Variants in SCHIP1 observed in about 807,000 individuals in gnomAD.
SCHIP1 encodes the protein schwannomin-interacting protein 1.
Under a neutral mutation model 29.7 loss-of-function variants are expected in SCHIP1, and 8 were observed. The ratio of observed to expected loss-of-function variants is 0.27; its 90% CI spans 0.16 to 0.49. SCHIP1 has a LOEUF of 0.49. Ranked by LOEUF, SCHIP1 falls within the 20% of genes least tolerant of loss-of-function variation. The pLI, the probability that SCHIP1 is intolerant of heterozygous loss-of-function variation, is 0.99. For synonymous variants in SCHIP1, 76 were observed against 94.9 expected, an observed-to-expected ratio of 0.80 and a Z score of 1.16; for missense variants, 193 against 294.6, an observed-to-expected ratio of 0.66 and a Z score of 2.52.
At chr3:159,429,118 G>T in the SCHIP1 span, among the ~76,000 whole-genome samples, 1 of 151,136 alleles carries the variant, frequency 6.6e-6, no homozygotes, top group Non-Finnish European at 1.5e-5. Context: ...AGTGGGTGGA[G>T]CCACTAGCAT....
the SCHIP1 span, among the ~76,000 whole-genome samples, chr3:159,432,102 A>G: frequency 6.6e-6 from 1 of 152,126 alleles, no homozygotes; most frequent in African/African-American, 2.4e-5. Context: ...ATGAGGCTAC[A>G]GTTAAGACGT....
chr3:159,311,245 C>A, the SCHIP1 span, among the ~76,000 whole-genome samples: 1 of 152,036 alleles, frequency 6.6e-6, no homozygotes, highest in Non-Finnish European at 1.5e-5. Flanking sequence ...AAAGCTATCT[C>A]TAAGGAGTGT....
the SCHIP1 span, among the ~76,000 whole-genome samples, chr3:159,532,224 T>C: frequency 6.6e-6 from 1 of 152,194 alleles, no homozygotes; most frequent in Non-Finnish European, 1.5e-5. Flanking sequence ...ATCTTTTAGC[T>C]GTTGAGTATT....
the SCHIP1 span, among the ~76,000 whole-genome samples, chr3:159,644,495 C>G: frequency 6.6e-6 from 1 of 152,034 alleles, no homozygotes; most frequent in Non-Finnish European, 1.5e-5. Flanking sequence ...CACATTTCTT[C>G]TTGATCCTTT....
At chr3:159,596,868 AAC>A in the SCHIP1 span, among the ~76,000 whole-genome samples, 1 of 151,516 alleles carries the variant, frequency 6.6e-6, no homozygotes, top group Admixed American at 6.6e-5. Flanking sequence ...TAACAGGTGC[AAC>A]ACACCAACAT....
chr3:159,493,450 T>C, the SCHIP1 span, among the ~76,000 whole-genome samples: 1 of 152,080 alleles, frequency 6.6e-6, no homozygotes, highest in African/African-American at 2.4e-5. Flanking sequence ...GGGGTTGCAA[T>C]CCTAGTCTTG....
At chr3:159,582,781 T>TACACACACACAC in the SCHIP1 span, among the ~76,000 whole-genome samples, 2 of 88,442 alleles carry the variant, frequency 2.3e-5, no homozygotes, top group African/African-American at 7.8e-5. Flanking sequence ...AACTGAAATA[T>TACACACACACAC]ATATATACAC....
chr3:159,831,903 TATG>T, the SCHIP1 span, among the ~76,000 whole-genome samples: 1 of 109,082 alleles, frequency 9.2e-6, no homozygotes, highest in African/African-American at 3.8e-5. Flanking sequence ...GGAATGATTG[TATG>T]TCTGTTTACT....
At chr3:159,326,258 CT>C in the SCHIP1 span, among the ~76,000 whole-genome samples, 1 of 152,234 alleles carries the variant, frequency 6.6e-6, no homozygotes, top group South Asian at 2.1e-4. Flanking sequence ...ATGAATACTT[CT>C]TATCTAGACT....
At chr3:159,866,346 A>G in intron 2 of SCHIP1, 65 bp downstream of exon 3, 1 of 1,446,706 alleles carries the variant, frequency 6.9e-7, no homozygotes, top group Middle Eastern at 1.8e-4. Flanking sequence ...TGACTATTCT[A>G]ATAAAAAAAA....
At chr3:159,750,161 A>G in the SCHIP1 span, among the ~76,000 whole-genome samples, 1 of 151,548 alleles carries the variant, frequency 6.6e-6, no homozygotes, top group Non-Finnish European at 1.5e-5. Flanking sequence ...TTAGAAGTTT[A>G]TTCATAGAGT....
the SCHIP1 span, among the ~76,000 whole-genome samples, chr3:159,491,903 T>C: frequency 6.6e-6 from 1 of 152,232 alleles, no homozygotes; most frequent in East Asian, 1.9e-4. Context: ...GAGACAAAAC[T>C]TCCAGAGGAA....
the SCHIP1 span, among the ~76,000 whole-genome samples, chr3:159,629,503 A>G: frequency 6.6e-6 from 1 of 152,214 alleles, no homozygotes; most frequent in Non-Finnish European, 1.5e-5. Flanking sequence ...TTAAAGGATG[A>G]ATCATGCCTA....
At chr3:159,686,004 T>C in the SCHIP1 span, among the ~76,000 whole-genome samples, 1 of 152,208 alleles carries the variant, frequency 6.6e-6, no homozygotes, top group Non-Finnish European at 1.5e-5. Flanking sequence ...ACTGTGAAAC[T>C]GAGCTATGGC....
the SCHIP1 span, among the ~76,000 whole-genome samples, chr3:159,464,222 C>T: frequency 1.6e-4 from 25 of 152,240 alleles, no homozygotes; most frequent in African/African-American, 5.8e-4. Flanking sequence ...CTACTCACAG[C>T]CTCACCAGCA....
chr3:159,681,705 A>T, the SCHIP1 span, among the ~76,000 whole-genome samples: 44,466 of 151,804 alleles, frequency 0.29, 9,734 homozygotes, highest in African/African-American at 0.61. Flanking sequence ...ATTTCCCTCA[A>T]CTTTTCTTTG....
chr3:159,404,079 C>T, the SCHIP1 span, among the ~76,000 whole-genome samples: 1 of 152,166 alleles, frequency 6.6e-6, no homozygotes, highest in Non-Finnish European at 1.5e-5. Flanking sequence ...TTGCAGGATC[C>T]ATAACCTACT....
At chr3:159,562,802 C>T in the SCHIP1 span, among the ~76,000 whole-genome samples, 1 of 152,068 alleles carries the variant, frequency 6.6e-6, no homozygotes, top group African/African-American at 2.4e-5. Context: ...GAACTGGGTG[C>T]CACAATTGGT....
At chr3:159,896,868 C>A in exon 7 of SCHIP1, 1 of 1,308,246 alleles carries the variant, frequency 7.6e-7, no homozygotes, top group Non-Finnish European at 1.0e-6. Flanking sequence ...AAACAAATAT[C>A]AGTGTTAGTC....
Sources: allele counts gnomAD v4.1 joint callset (sites outside exome capture counted in the v4.1 genomes callset), GRCh38; gene constraint gnomAD v4.1.1; transcripts MANE v1.5; gene names NCBI Gene and HGNC (gene_info 2026-07-23, HGNC 2026-07-21).